Variants in ERCC6 observed in about 807,000 individuals in gnomAD.
ERCC6 encodes the protein DNA excision repair protein ERCC-6.
In ERCC6, 116 loss-of-function variants were observed where a neutral mutation model predicts 158.7. The observed-to-expected ratio is 0.73, with a 90% confidence interval of 0.63 to 0.85. The LOEUF (loss-of-function observed/expected upper bound fraction) is 0.85. Among genes scored for constraint, ERCC6 ranks in the 40% least tolerant of loss-of-function variants. The probability of loss-of-function intolerance (pLI) is 0.00; values close to 1 mark genes in which losing one functional copy is unlikely to be tolerated. For synonymous variants in ERCC6, 678 were observed against 659.3 expected, an observed-to-expected ratio of 1.03 and a Z score of -0.43; for missense variants, 1,698 against 1,799.4, an observed-to-expected ratio of 0.94 and a Z score of 1.02.
the ERCC6 span, among the ~76,000 whole-genome samples, chr10:49,439,460 A>T: frequency 6.6e-6 from 1 of 152,116 alleles, no homozygotes; most frequent in Non-Finnish European, 1.5e-5. Context: ...CAGCTGGGGG[A>T]CCCTGGGCCC....
Position 49,456,876 on chromosome 10 carries a change from C to G in ERCC6, c.*1939G>C, listed in dbSNP as rs1452927723. The G allele has an allele frequency of 2.6e-5, 4 of 152,164 alleles. No homozygotes were observed. The highest frequency in any genetic ancestry group is 4.4e-5 in the Non-Finnish European group (3 of 68,020). The allele number at this position is 152,164 out of a possible 1,614,324, so 9.4% of individuals were successfully genotyped here. On this transcript the variant is annotated 3_prime_UTR_variant, in exon 21 of 21. Transcript: ENST00000355832. ...TGTGTCAGATCTCCACACTGAGACA[C>G]CACCTTCCCAAGATCATGGTACATC... is the stretch of plus-strand genomic sequence containing the variant.
In ERCC6 at chr10:49,522,736, G is replaced by T. The variant is rs185983078; in HGVS notation, c.1397+1297C>A. Among the ~76,000 whole-genome samples the T allele has an allele frequency of 7.6e-4, 115 of 152,240 alleles. 1 individual carries two copies. The highest frequency in any genetic ancestry group is 2.6e-3 in the African/African-American group (106 of 41,526). ...TTAACACTTTTATTAATTCCTTGCA[G>T]TAGTTAAGAAAAAGTCTGACACCGC... On this transcript the variant is annotated intron_variant, in intron 5 of 20. Coordinates refer to ENST00000355832, the MANE Select transcript of ERCC6 (RefSeq NM_000124.4).
At chr10:49,509,192 G>A (rs1008999482) in intron 5 of ERCC6, among the ~76,000 whole-genome samples, 1 of 152,154 alleles carries the variant, frequency 6.6e-6, no homozygotes, top group Admixed American at 6.6e-5. Context: ...TGGGTTCTGG[G>A]AAGGATTAAA....
chr10:49,492,624 C>G (rs531377254), intron 8 of ERCC6, among the ~76,000 whole-genome samples: 1 of 152,100 alleles, frequency 6.6e-6, no homozygotes, highest in Non-Finnish European at 1.5e-5. Flanking sequence ...CAATACATGA[C>G]GATCAAGGAT....
At chr10:49,465,041 G>C (rs1449964351) in intron 18 of ERCC6, among the ~76,000 whole-genome samples, 1 of 152,194 alleles carries the variant, frequency 6.6e-6, no homozygotes, top group Non-Finnish European at 1.5e-5. Context: ...TCCACTGACA[G>C]CTTGCACCAT....
chr10:49,531,869 C>CG (rs1338324870), intron 2 of ERCC6, among the ~76,000 whole-genome samples: 1 of 152,124 alleles, frequency 6.6e-6, no homozygotes, highest in Non-Finnish European at 1.5e-5. Flanking sequence ...CACTGCCCAA[C>CG]GGGGGCCAAG....
At chr10:49,499,012 G>A (rs960280041) in intron 7 of ERCC6, among the ~76,000 whole-genome samples, 1 of 152,026 alleles carries the variant, frequency 6.6e-6, no homozygotes, top group Non-Finnish European at 1.5e-5. Context: ...ATTTGAAACA[G>A]AAAAAGCATT....
chr10:49,465,063 G>A (rs748275893), intron 18 of ERCC6, among the ~76,000 whole-genome samples: 3 of 152,234 alleles, frequency 2.0e-5, no homozygotes, highest in Non-Finnish European at 2.9e-5. Flanking sequence ...CACCTGGAAA[G>A]GCTGCAGACA....
Position 49,532,634 on chromosome 10 carries a change from G to C in ERCC6, c.331C>G (p.Gln111Glu). The change falls in exon 2 of 21, where the codon CAG (glutamine) becomes GAG (glutamate). Residue 111 changes from glutamine to glutamate, a missense_variant. Transcript: ENST00000355832. ...TCATGGATGGCATTGTCCACCTGCT[G>C]AAGCACTCCCTGTTCCAGCACGTCC... ...DQDVLEQGVL[Q>E]QVDNAIHEAS... 6.2e-7 allele frequency: 1 copy of C among 1,614,226 alleles called. No individual in the cohort carries two copies.
the ERCC6 span, among the ~76,000 whole-genome samples, chr10:49,446,362 G>A: frequency 2.6e-5 from 4 of 151,694 alleles, no homozygotes; most frequent in Non-Finnish European, 4.4e-5. Context: ...ATGAAACAGT[G>A]GTGTTTAAAA....
chr10:49,435,921 C>T, the ERCC6 span, among the ~76,000 whole-genome samples: 1 of 151,670 alleles, frequency 6.6e-6, no homozygotes, highest in African/African-American at 2.4e-5. Context: ...ATCACTTGAA[C>T]CTGGGAGCCG....
rs756639495 is a variant in ERCC6, at chr10:49,458,777, T to C, written c.*38A>G. On this transcript the variant is annotated 3_prime_UTR_variant, in exon 21 of 21. Coordinates refer to ENST00000355832, the MANE Select transcript of ERCC6 (RefSeq NM_000124.4). ...TAAATTAATAATCAGAAATGCCCGT[T>C]AGAAAAAGGGACTTGAAAGTTTAGG... 1.6e-5 allele frequency: 25 copies of C among 1,603,686 alleles called. No individual in the cohort carries two copies. Among genetic ancestry groups the C allele is most frequent in the Non-Finnish European group, 2.1e-5 (25 of 1,170,786 alleles).
chr10:49,470,547 G>GT lies in ERCC6; in HGVS notation c.3412dup (p.Thr1138AsnfsTer7), dbSNP rs786205170. 1 of 1,614,208 alleles carries GT rather than the reference G, an allele frequency of 6.2e-7. No homozygotes were observed. Among genetic ancestry groups the GT allele is most frequent in the Non-Finnish European group, 8.5e-7 (1 of 1,180,032 alleles). ...GCTTTCATCACCAGATGGCATAGAA[G>GT]TTTTGCCTGTTCCTGAAGAATTTGA... On this transcript the variant is annotated frameshift_variant, in exon 18 of 21. Coordinates refer to ENST00000355832, the MANE Select transcript of ERCC6 (RefSeq NM_000124.4). LOFTEE classifies it high-confidence loss of function.
chr10:49,439,872 G>A, the ERCC6 span, among the ~76,000 whole-genome samples: 2,214 of 152,216 alleles, frequency 0.015, 48 homozygotes, highest in African/African-American at 0.049. Flanking sequence ...TTGCTAAAAC[G>A]TAACAAGAGT....
At chr10:49,438,921 A>AG in the ERCC6 span, among the ~76,000 whole-genome samples, 1 of 152,368 alleles carries the variant, frequency 6.6e-6, no homozygotes, top group Admixed American at 6.5e-5. Flanking sequence ...TCTCACATCT[A>AG]GGTCACGCTG....
intron 7 of ERCC6, among the ~76,000 whole-genome samples, chr10:49,494,340 A>G (rs757524911): frequency 6.6e-6 from 1 of 152,268 alleles, no homozygotes; most frequent in Admixed American, 6.5e-5. Flanking sequence ...AGAAAATACT[A>G]TAAGATTCTG....
At chr10:49,470,120 A>G in intron 18 of ERCC6, 62 bp downstream of exon 18, 1 of 1,466,444 alleles carries the variant, frequency 6.8e-7, no homozygotes, top group Non-Finnish European at 9.6e-7. Flanking sequence ...TGCTACTGCT[A>G]GAAACAGCCT....
chr10:49,461,296 T>G, intron 19 of ERCC6, 56 bp downstream of exon 19: 6 of 1,555,240 alleles, frequency 3.9e-6, no homozygotes, highest in Non-Finnish European at 4.4e-6. Context: ...CCTGATTTTA[T>G]TTCTAGCCTT....
chr10:49,526,660 A>G (rs375265695), intron 4 of ERCC6, among the ~76,000 whole-genome samples: 1 of 152,144 alleles, frequency 6.6e-6, no homozygotes, highest in East Asian at 1.9e-4. Flanking sequence ...TTTGCTTCCT[A>G]TTAAGCCTTA....
Sources: gnomAD v4.1 joint callset for allele counts (sites outside exome capture counted in the v4.1 genomes callset) on GRCh38, gnomAD v4.1.1 for gene constraint, MANE v1.5 for transcripts, NCBI Gene and HGNC (gene_info 2026-07-23, HGNC 2026-07-21) for gene names.